Variants in MALRD1 observed in about 807,000 individuals in gnomAD.
MALRD1 encodes the protein MAM and LDL receptor class A domain containing 1, also known as MAM and LDL-receptor class A domain-containing protein 1.
In MALRD1, 247 loss-of-function variants were observed where a neutral mutation model predicts 242.1. The observed-to-expected ratio is 1.02, with a 90% CI of 0.92 to 1.13. The LOEUF (loss-of-function observed/expected upper bound fraction) is 1.13, where lower values mean the gene tolerates loss of function less well. Ranked by LOEUF, MALRD1 falls within the 50% of genes most tolerant of loss-of-function variation. MALRD1 has a pLI of 0.00. For synonymous variants in MALRD1, 995 were observed against 866.6 expected, an observed-to-expected ratio of 1.15 and a Z score of -2.60; for missense variants, 2,989 against 2,533.1, an observed-to-expected ratio of 1.18 and a Z score of -3.86.
At chr10:19,670,796 A>G (rs1434167041) in intron 36 of MALRD1, among the ~76,000 whole-genome samples, 1 of 152,058 alleles carries the variant, frequency 6.6e-6, no homozygotes, top group Admixed American at 6.6e-5. Flanking sequence ...TTGTGCTGCT[A>G]TCCTGATTCT....
intron 33 of MALRD1, among the ~76,000 whole-genome samples, chr10:19,587,201 C>G (rs1837475507): frequency 6.6e-6 from 1 of 152,232 alleles, no homozygotes; most frequent in Non-Finnish European, 1.5e-5. Context: ...GTCACTCACG[C>G]TAGGAGCTGT....
At chr10:19,611,551 T>G (rs1207363776) in intron 35 of MALRD1, among the ~76,000 whole-genome samples, 1 of 151,884 alleles carries the variant, frequency 6.6e-6, no homozygotes, top group Non-Finnish European at 1.5e-5. Context: ...CACAAAGGGG[T>G]ACAAACCAGA....
chr10:19,532,229 T>C (rs957374233), intron 32 of MALRD1, among the ~76,000 whole-genome samples: 5 of 152,196 alleles, frequency 3.3e-5, no homozygotes, highest in Admixed American at 6.6e-5. Flanking sequence ...GTCAAAATTA[T>C]GATTTCAAAA....
intron 34 of MALRD1, among the ~76,000 whole-genome samples, chr10:19,602,443 G>T (rs559843113): frequency 6.8e-6 from 1 of 147,792 alleles, no homozygotes; most frequent in African/African-American, 2.6e-5. Context: ...AGAACACGCG[G>T]TGTTTGTTTT....
intron 1 of MALRD1, among the ~76,000 whole-genome samples, chr10:19,065,768 G>A (rs1033424364): frequency 6.6e-6 from 1 of 152,182 alleles, no homozygotes. Context: ...CAGAGAAAGA[G>A]TCAGAAATGT....
intron 29 of MALRD1, among the ~76,000 whole-genome samples, chr10:19,476,947 A>G (rs1200009483): frequency 6.6e-6 from 1 of 152,074 alleles, no homozygotes; most frequent in Admixed American, 6.5e-5. Context: ...AATATTTTCT[A>G]CTGAAAAACA....
chr10:19,122,611 G>T (rs1194900231), intron 5 of MALRD1, among the ~76,000 whole-genome samples: 1 of 152,042 alleles, frequency 6.6e-6, no homozygotes, highest in Admixed American at 6.6e-5. Flanking sequence ...GTCAAAGCTT[G>T]GGTATTTAGG....
In MALRD1 at chr10:19,283,189, A is replaced by G. The variant is rs777476690; in HGVS notation, c.3419+8A>G. On this transcript the variant is annotated splice_region_variant and intron_variant, in intron 21 of 39. Transcript: ENST00000454679. ...ATCAGTGGATCATACACAGTAAGTG[A>G]CCATGTATTTTGAATATCTCTCTTG... 1.1e-5 allele frequency: 17 copies of G among 1,518,802 alleles called. No homozygotes were observed. The highest frequency in any genetic ancestry group is 1.1e-4 in the African/African-American group (8 of 71,682). The allele number at this position is 1,518,802 out of a possible 1,614,324, so 94.1% of individuals were successfully genotyped here. A position where few individuals can be genotyped will look rare whatever the true frequency, so the allele number is the denominator to read the frequency against.
intron 31 of MALRD1, among the ~76,000 whole-genome samples, chr10:19,518,469 A>G (rs998756402): frequency 1.5e-4 from 23 of 152,068 alleles, no homozygotes; most frequent in African/African-American, 5.1e-4. Context: ...TATAATGTCA[A>G]AGTTGATATT....
chr10:19,268,613 A>G (rs1482552577), intron 19 of MALRD1, among the ~76,000 whole-genome samples: 2 of 152,218 alleles, frequency 1.3e-5, no homozygotes, highest in Non-Finnish European at 2.9e-5. Context: ...ACAGGTAGAT[A>G]TAAAGTACAA....
chr10:19,267,015 G>C (rs1840000233), intron 19 of MALRD1, among the ~76,000 whole-genome samples: 1 of 151,916 alleles, frequency 6.6e-6, no homozygotes, highest in African/African-American at 2.4e-5. Flanking sequence ...CATTAGAAAG[G>C]CCAGAATTAT....
At chr10:19,491,207 A>G (rs1411069375) in intron 29 of MALRD1, 21 of 574,894 alleles carry the variant, frequency 3.7e-5, no homozygotes, top group Non-Finnish European at 6.3e-5. Context: ...CAGGCTGCAC[A>G]TACCCTTTAC....
In MALRD1 at chr10:19,559,936, T is replaced by G. The variant is rs1464847146; in HGVS notation, c.5479-7566T>G. Among the ~76,000 whole-genome samples the G allele has an allele frequency of 1.3e-5, 2 of 152,056 alleles. 1 individual carries two copies. The highest frequency in any genetic ancestry group is 1.3e-4 in the Admixed American group (2 of 15,256). ...AGAGAAATGCAAATCAAAACCACAATTATATATACTATCTCACACCAGAAT... is the reference window on the plus strand; with the variant it reads ...AGAGAAATGCAAATCAAAACCACAAGTATATATACTATCTCACACCAGAAT... On this transcript the variant is annotated intron_variant, in intron 32 of 39. Transcript: ENST00000454679.
intron 2 of MALRD1, among the ~76,000 whole-genome samples, chr10:19,075,109 A>G (rs1379662281): frequency 1.1e-4 from 16 of 152,084 alleles, no homozygotes; most frequent in Non-Finnish European, 1.3e-4. Context: ...GAATTAATCC[A>G]GGAAGTTTAA....
intron 24 of MALRD1, among the ~76,000 whole-genome samples, chr10:19,334,120 T>TTG (rs1491564580): frequency 1.4e-4 from 4 of 28,356 alleles, no homozygotes; most frequent in African/African-American, 9.5e-4. Flanking sequence ...TGTTGGTAGG[T>TTG]TTTTTTTTTT....
At chr10:19,161,549 G>GAAAAAAAA (rs1491548638) in intron 12 of MALRD1, among the ~76,000 whole-genome samples, 3 of 11,504 alleles carry the variant, frequency 2.6e-4, no homozygotes, top group African/African-American at 4.3e-4. Context: ...GAAAAAAAAA[G>GAAAAAAAA]CAAAAAAAAA....
At chr10:19,694,075 TC>T (rs537342017) in intron 38 of MALRD1, among the ~76,000 whole-genome samples, 462 of 152,218 alleles carry the variant, frequency 3.0e-3, no homozygotes, top group African/African-American at 0.011. Context: ...AAAAATTAAT[TC>T]AAGATGGATT....
At position 19,133,843 on chromosome 10, in the gene MALRD1, C is replaced by G. The variant is rs114130451; in HGVS notation, c.1111-13C>G. ...TACGGGTAATGAGTGATGTCTTTCT[C>G]TTCAAATCAAAGGAAGAAGAAATAT... On this transcript the variant is annotated splice_polypyrimidine_tract_variant and intron_variant, in intron 8 of 39. Transcript: ENST00000454679. 982 of 1,196,062 alleles carry G rather than the reference C, an allele frequency of 8.2e-4. 12 individuals carry two copies. The African/African-American group carries it at 0.014, about 17-fold the overall frequency. The allele number at this position is 1,196,062 out of a possible 1,614,324, so 74.1% of individuals were successfully genotyped here. A position where few individuals can be genotyped will look rare whatever the true frequency, so the allele number is the denominator to read the frequency against.
chr10:19,621,292 G>C (rs1314061718), intron 36 of MALRD1, among the ~76,000 whole-genome samples: 1 of 123,028 alleles, frequency 8.1e-6, no homozygotes, highest in African/African-American at 3.0e-5. Flanking sequence ...GGGGATATTT[G>C]AAAACAAATA....
Sources: gnomAD v4.1 joint callset for allele counts (sites outside exome capture counted in the v4.1 genomes callset) on GRCh38, gnomAD v4.1.1 for gene constraint, MANE v1.5 for transcripts, NCBI Gene and HGNC (gene_info 2026-07-23, HGNC 2026-07-21) for gene names.